The following RIMKLB variants were observed in gnomAD, a reference collection of about 807,000 sequenced individuals.
The protein encoded by RIMKLB is ribosomal modification protein rimK like family member B.
RIMKLB carries 7 observed loss-of-function variants against 32.0 expected under a neutral mutation model. That is an observed-to-expected ratio of 0.22 (90% CI 0.12 to 0.41). The LOEUF is 0.41. Among genes scored for constraint, RIMKLB ranks in the 10% least tolerant of loss-of-function variants. The probability of loss-of-function intolerance (pLI) is 1.00; values close to 1 mark genes in which losing one functional copy is unlikely to be tolerated. For synonymous variants in RIMKLB, 172 were observed against 185.1 expected, an observed-to-expected ratio of 0.93 and a Z score of 0.57; for missense variants, 289 against 498.7, an observed-to-expected ratio of 0.58 and a Z score of 4.00.
At chr12:8,741,889 T>TA (rs1947577193) in intron 2 of RIMKLB, among the ~76,000 whole-genome samples, 1 of 151,606 alleles carries the variant, frequency 6.6e-6, no homozygotes, top group Non-Finnish European at 1.5e-5. Context: ...CCCCCGAATC[T>TA]AAAATAAAAG....
In RIMKLB at chr12:8,737,032, T is replaced by C. The variant is rs138944891; in HGVS notation, c.176-12830T>C. 2.3e-3 allele frequency among the ~76,000 whole-genome samples: 357 copies of C among 151,978 alleles called. 4 individuals are homozygous for C. Among genetic ancestry groups the C allele is most frequent in the African/African-American group, 8.3e-3 (345 of 41,462 alleles). On this transcript the variant is annotated intron_variant, in intron 2 of 5. Coordinates refer to ENST00000535829, the MANE Select transcript of RIMKLB (RefSeq NM_001297776.2). ...TTCACCATGTTGGCCAGGCTGGTCT[T>C]GAACTCCTAACCTCAGGTGATCCTC...
Position 8,773,544 on chromosome 12 carries a change from A to G in RIMKLB, c.921A>G (p.Leu307=). The G allele has an allele frequency of 6.2e-7, 1 of 1,614,080 alleles. No individual in the cohort carries two copies. Among genetic ancestry groups the G allele is most frequent in the Non-Finnish European group, 8.5e-7 (1 of 1,180,008 alleles). Residue 307 remains leucine, a synonymous_variant, in exon 6 of 6, where the codon CTA becomes CTG. Transcript: ENST00000535829. ...TAGCAGACTATGCCGCCTCCCTTCT[A>G]CCCTCTGGCCGGCTCACCCGGCGTA... The part of the protein sequence containing the change: ...GIIADYAASL[L]PSGRLTRRMS...
chr12:8,773,951 A>G lies in RIMKLB; in HGVS notation c.*167A>G. 1.4e-6 allele frequency: 2 copies of G among 1,408,168 alleles called. No individual in the cohort carries two copies. The highest frequency in any genetic ancestry group is 9.2e-7 in the Non-Finnish European group (1 of 1,085,192). 87.2% of individuals were successfully genotyped at this position (1,408,168 alleles called of 1,614,324 possible). A position where few individuals can be genotyped will look rare whatever the true frequency, so the allele number is the denominator to read the frequency against. On this transcript the variant is annotated 3_prime_UTR_variant, in exon 6 of 6. Coordinates refer to ENST00000535829, the MANE Select transcript of RIMKLB (RefSeq NM_001297776.2). Reference sequence around the variant, plus strand: ...GATAGATGAGACCTCTGCTAGTAAGATGTTACTTTCATTTACAAATCCTAC... The same window carrying G: ...GATAGATGAGACCTCTGCTAGTAAGGTGTTACTTTCATTTACAAATCCTAC...
At position 8,775,380 on chromosome 12, in the gene RIMKLB, G is replaced by A. The variant is rs141034003; in HGVS notation, c.*1596G>A. The A allele has an allele frequency of 1.0e-6, 1 of 985,306 alleles. No individual in the cohort carries two copies. Among genetic ancestry groups the A allele is most frequent in the Non-Finnish European group, 1.2e-6 (1 of 829,860 alleles). The allele number at this position is 985,306 out of a possible 1,614,324, so 61.0% of individuals were successfully genotyped here. A position where few individuals can be genotyped will look rare whatever the true frequency, so the allele number is the denominator to read the frequency against. Reference sequence around the variant, plus strand: ...ATATAATATGAGCCTTTAAAACATGGGTAAAACTAATCCCATTGATGGGTT... The same window carrying A: ...ATATAATATGAGCCTTTAAAACATGAGTAAAACTAATCCCATTGATGGGTT... On this transcript the variant is annotated 3_prime_UTR_variant, in exon 6 of 6. Coordinates refer to ENST00000535829, the MANE Select transcript of RIMKLB (RefSeq NM_001297776.2).
At chr12:8,769,223 C>T (rs1382643962) in intron 5 of RIMKLB, among the ~76,000 whole-genome samples, 2 of 152,006 alleles carry the variant, frequency 1.3e-5, no homozygotes, top group African/African-American at 4.8e-5. Flanking sequence ...ACCCTATTAC[C>T]TTCTGATTTT....
chr12:8,769,156 A>G (rs1263892527), intron 5 of RIMKLB, among the ~76,000 whole-genome samples: 1 of 152,148 alleles, frequency 6.6e-6, no homozygotes, highest in Admixed American at 6.5e-5. Flanking sequence ...CTTTGATCCA[A>G]GGGATCAGTT....
At chr12:8,670,334 G>A in the RIMKLB span, among the ~76,000 whole-genome samples, 1 of 152,166 alleles carries the variant, frequency 6.6e-6, no homozygotes, top group Non-Finnish European at 1.5e-5. Context: ...AAAATCAAAA[G>A]CAAGCTAGTT....
rs746398280 is a variant in RIMKLB at position 8,768,209 on chromosome 12, A to G, written c.698-5112A>G. On this transcript the variant is annotated intron_variant, in intron 5 of 5. Coordinates refer to ENST00000535829, the MANE Select transcript of RIMKLB (RefSeq NM_001297776.2). ...GAACCCAGGCACTTAGTTGTGCAGG[A>G]ACAATGGCAAGCCTTTAGCCCGATC... Among the ~76,000 whole-genome samples the G allele has an allele frequency of 2.0e-5, 3 of 152,356 alleles. No individual in the cohort carries two copies. The South Asian group carries it at 6.2e-4, about 32-fold the overall frequency.
rs1945526249 is a variant in RIMKLB at position 8,722,277 on chromosome 12, G to A, written c.175+8236G>A. Among the ~76,000 whole-genome samples, 4 of 151,360 alleles carry A rather than the reference G, an allele frequency of 2.6e-5. No homozygotes were observed. The South Asian group carries it at 8.3e-4, about 32-fold the overall frequency. On this transcript the variant is annotated intron_variant, in intron 2 of 5. Transcript: ENST00000535829. ...GGCTTGCAGAGTCCATGTTGTGTTA[G>A]CAGCTATGAAAATAATGTTAATCTT...
intron 1 of RIMKLB, among the ~76,000 whole-genome samples, chr12:8,708,076 CTG>C (rs1325983171): frequency 6.6e-6 from 1 of 152,038 alleles, no homozygotes; most frequent in Non-Finnish European, 1.5e-5. Flanking sequence ...ACAGATTCCA[CTG>C]TGTGTTACAA....
chr12:8,725,178 T>C (rs1945859886), intron 2 of RIMKLB, among the ~76,000 whole-genome samples: 1 of 152,214 alleles, frequency 6.6e-6, no homozygotes, highest in Non-Finnish European at 1.5e-5. Context: ...GGAGGTAGGC[T>C]TCTCATTCAG....
intron 2 of RIMKLB, among the ~76,000 whole-genome samples, chr12:8,739,575 A>G (rs1008598084): frequency 6.6e-6 from 1 of 152,342 alleles, no homozygotes; most frequent in East Asian, 1.9e-4. Context: ...GGTGCAAGCT[A>G]TCCTACTGCT....
chr12:8,697,854 G>A (rs961509282), upstream of RIMKLB: 1 of 146,198 alleles, frequency 6.8e-6, no homozygotes, highest in African/African-American at 2.5e-5. Context: ...CCCGCCCGCC[G>A]CGCCGCGGCG....
intron 5 of RIMKLB, among the ~76,000 whole-genome samples, chr12:8,768,132 T>C (rs1950119930): frequency 6.6e-6 from 1 of 152,138 alleles, no homozygotes; most frequent in South Asian, 2.1e-4. Flanking sequence ...AAGCCATGGG[T>C]CACGGAAGAG....
chr12:8,673,744 T>C, the RIMKLB span, among the ~76,000 whole-genome samples: 1 of 151,876 alleles, frequency 6.6e-6, no homozygotes, highest in Non-Finnish European at 1.5e-5. Context: ...TACAGGTGCG[T>C]GCCACCATGC....
intron 1 of RIMKLB, among the ~76,000 whole-genome samples, chr12:8,700,773 T>C (rs1943320323): frequency 6.6e-6 from 1 of 152,060 alleles, no homozygotes; most frequent in Non-Finnish European, 1.5e-5. Context: ...CTCTAGAAAT[T>C]GTAATTATGT....
At chr12:8,728,093 GTTCT>G (rs1946202605) in intron 2 of RIMKLB, among the ~76,000 whole-genome samples, 1 of 152,100 alleles carries the variant, frequency 6.6e-6, no homozygotes, top group South Asian at 2.1e-4. Flanking sequence ...CCTGGAACTA[GTTCT>G]TTCTTACAAT....
At chr12:8,710,965 CAAAAAAAA>C (rs748394546) in intron 1 of RIMKLB, among the ~76,000 whole-genome samples, 6 of 65,764 alleles carry the variant, frequency 9.1e-5, no homozygotes, top group Admixed American at 1.7e-4. Flanking sequence ...ACATCTTTAC[CAAAAAAAA>C]AAAAAAAAAA....
At chr12:8,754,520 G>A (rs1195750627) in intron 5 of RIMKLB, among the ~76,000 whole-genome samples, 1 of 152,118 alleles carries the variant, frequency 6.6e-6, no homozygotes, top group Non-Finnish European at 1.5e-5. Context: ...TTATTGTTAG[G>A]TACATCAGAG....
Sources: gnomAD v4.1 joint callset for allele counts (sites outside exome capture counted in the v4.1 genomes callset) on GRCh38, gnomAD v4.1.1 for gene constraint, MANE v1.5 for transcripts, NCBI Gene and HGNC (gene_info 2026-07-23, HGNC 2026-07-21) for gene names.